NRXN3: variants seen among roughly 807,000 people sequenced by gnomAD.
NRXN3 encodes the protein neurexin 3.
A neutral mutation model predicts 137.6 loss-of-function variants in NRXN3; 32 were observed. That is an observed-to-expected ratio of 0.23 (90% CI 0.18 to 0.31). NRXN3 has a LOEUF of 0.31. Among genes scored for constraint, NRXN3 ranks in the 10% least tolerant of loss-of-function variants. The probability of loss-of-function intolerance (pLI) is 1.00; values close to 1 mark genes in which losing one functional copy is unlikely to be tolerated. For synonymous variants in NRXN3, 798 were observed against 784.5 expected (o/e 1.02, Z -0.29); for missense variants, 1,574 against 2,062.5 (o/e 0.76, Z 4.59).
chr14:79,394,794 A>C (rs1567004051), intron 15 of NRXN3, among the ~76,000 whole-genome samples: 2 of 152,224 alleles, frequency 1.3e-5, no homozygotes, highest in South Asian at 4.1e-4. Flanking sequence ...TATTCAAAGC[A>C]AAGTCTATAC....
At chr14:79,552,666 T>A (rs1009531789) in intron 16 of NRXN3, among the ~76,000 whole-genome samples, 68 of 152,012 alleles carry the variant, frequency 4.5e-4, no homozygotes, top group African/African-American at 1.5e-3. Context: ...GAGTAAATAA[T>A]TTTTAGAGGA....
At chr14:79,289,560 C>T (rs1423498705) in intron 15 of NRXN3, among the ~76,000 whole-genome samples, 1 of 151,932 alleles carries the variant, frequency 6.6e-6, no homozygotes, top group Non-Finnish European at 1.5e-5. Flanking sequence ...GCAGAGGTTG[C>T]AGTGAGCCAA....
At chr14:79,217,753 T>C (rs980488226) in intron 15 of NRXN3, among the ~76,000 whole-genome samples, 3 of 152,134 alleles carry the variant, frequency 2.0e-5, no homozygotes, top group Non-Finnish European at 4.4e-5. Flanking sequence ...ATTTAACTGG[T>C]CTAAGGTATA....
intron 15 of NRXN3, among the ~76,000 whole-genome samples, chr14:79,142,506 T>C (rs1383449607): frequency 6.6e-6 from 1 of 151,704 alleles, no homozygotes; most frequent in Non-Finnish European, 1.5e-5. Flanking sequence ...TGAGCAAAGA[T>C]ATGAATATTA....
In NRXN3 at chr14:78,286,263, G is replaced by C. The variant is rs186382632; in HGVS notation, c.727+7601G>C. ...GGCAGCAGTGGCATTTAGAAGGAAG[G>C]GATAATGAATGTTAAATGTGCTGTG... On this transcript the variant is annotated intron_variant, in intron 3 of 20. Transcript: ENST00000335750. Among the ~76,000 whole-genome samples, 2 of 152,212 alleles carry C rather than the reference G, an allele frequency of 1.3e-5. 1 individual carries two copies. The highest frequency in any genetic ancestry group is 4.8e-5 in the African/African-American group (2 of 41,510).
intron 15 of NRXN3, among the ~76,000 whole-genome samples, chr14:79,257,395 T>C: frequency 9.3e-6 from 1 of 107,370 alleles, no homozygotes; most frequent in African/African-American, 3.7e-5. Context: ...GTGATGGTGG[T>C]GGTGGTGGTG....
chr14:78,258,525 A>G (rs534320419), intron 2 of NRXN3, among the ~76,000 whole-genome samples: 2 of 152,154 alleles, frequency 1.3e-5, no homozygotes, highest in African/African-American at 4.8e-5. Flanking sequence ...TAGGGAAGGA[A>G]TGTGGTTTAG....
At chr14:79,378,795 T>C (rs528351334) in intron 15 of NRXN3, among the ~76,000 whole-genome samples, 2 of 152,146 alleles carry the variant, frequency 1.3e-5, no homozygotes, top group East Asian at 3.9e-4. Flanking sequence ...GGTTTTTATC[T>C]CTTGATTATG....
Position 78,735,930 on chromosome 14 carries a change from A to G in NRXN3, c.2044+20791A>G, listed in dbSNP as rs530353963. Among the ~76,000 whole-genome samples the G allele has an allele frequency of 6.6e-5, 10 of 152,204 alleles. 2 individuals carry two copies. Among genetic ancestry groups the G allele is most frequent in the Non-Finnish European group, 8.8e-5 (6 of 68,040 alleles). ...CCCCATTAGATGGAAAACTGTGACCAGCACCCAGGACTTCCAACATCCAGT... is the reference window on the plus strand; with the variant it reads ...CCCCATTAGATGGAAAACTGTGACCGGCACCCAGGACTTCCAACATCCAGT... On this transcript the variant is annotated intron_variant, in intron 8 of 20. Transcript: ENST00000335750.
At chr14:78,493,576 C>A (rs2095710694) in intron 4 of NRXN3, among the ~76,000 whole-genome samples, 1 of 150,088 alleles carries the variant, frequency 6.7e-6, no homozygotes, top group South Asian at 2.1e-4. Context: ...AAAGAATTAG[C>A]CAGGAGGAAT....
intron 15 of NRXN3, among the ~76,000 whole-genome samples, chr14:79,411,527 G>A (rs536727331): frequency 6.6e-6 from 1 of 152,056 alleles, no homozygotes. Context: ...CACTGAACAC[G>A]ACTTGAATAA....
intron 10 of NRXN3, among the ~76,000 whole-genome samples, chr14:78,909,910 A>G (rs898170079): frequency 6.6e-6 from 1 of 152,034 alleles, no homozygotes; most frequent in Non-Finnish European, 1.5e-5. Flanking sequence ...ACACCCATGC[A>G]TCTACTATCC....
At chr14:79,635,033 A>G (rs2098392916) in intron 16 of NRXN3, among the ~76,000 whole-genome samples, 1 of 152,178 alleles carries the variant, frequency 6.6e-6, no homozygotes, top group Admixed American at 6.5e-5. Context: ...AGTTAACAAT[A>G]ATATATTGTG....
chr14:79,316,723 C>A (rs2088798760), intron 15 of NRXN3, among the ~76,000 whole-genome samples: 1 of 117,200 alleles, frequency 8.5e-6, no homozygotes. Flanking sequence ...TGTAATCTGT[C>A]CTGTCCCTCT....
At chr14:79,117,258 GATCTCAA>G (rs1284194304) in intron 15 of NRXN3, among the ~76,000 whole-genome samples, 1 of 152,094 alleles carries the variant, frequency 6.6e-6, no homozygotes, top group Non-Finnish European at 1.5e-5. Flanking sequence ...TTTCATAAAA[GATCTCAA>G]CATATAAATA....
At chr14:78,689,739 TAATGTAC>T in intron 6 of NRXN3, among the ~76,000 whole-genome samples, 1 of 152,282 alleles carries the variant, frequency 6.6e-6, no homozygotes, top group East Asian at 1.9e-4. Flanking sequence ...TAGGCTGGAA[TAATGTAC>T]TATTATTGAC....
chr14:79,796,020 T>C (rs2099160033), intron 19 of NRXN3, among the ~76,000 whole-genome samples: 1 of 152,130 alleles, frequency 6.6e-6, no homozygotes, highest in African/African-American at 2.4e-5. Context: ...AGACCCTAAA[T>C]ACTCAAAATG....
intron 4 of NRXN3, among the ~76,000 whole-genome samples, chr14:78,400,854 C>T (rs148009041): frequency 3.9e-5 from 6 of 152,248 alleles, no homozygotes; most frequent in East Asian, 1.9e-4. Context: ...CTGCACCCTC[C>T]CCCAATTTTT....
intron 4 of NRXN3, among the ~76,000 whole-genome samples, chr14:78,355,608 C>T (rs996361173): frequency 3.3e-5 from 5 of 152,066 alleles, no homozygotes; most frequent in African/African-American, 1.2e-4. Context: ...TTAGTAGAGA[C>T]TGGGTTTTGC....
Sources: allele counts gnomAD v4.1 joint callset (sites outside exome capture counted in the v4.1 genomes callset), GRCh38; gene constraint gnomAD v4.1.1; transcripts MANE v1.5; gene names NCBI Gene and HGNC (gene_info 2026-07-23, HGNC 2026-07-21).